NECTIN1: variants seen among roughly 807,000 people sequenced by gnomAD.
NECTIN1 encodes nectin cell adhesion molecule 1.
A neutral mutation model predicts 48.0 loss-of-function variants in NECTIN1; 23 were observed. The observed-to-expected ratio is 0.48, with a 90% CI of 0.34 to 0.68. NECTIN1 has a LOEUF of 0.68. Ranked by LOEUF, NECTIN1 falls within the 30% of genes least tolerant of loss-of-function variation. The pLI is 0.01. For synonymous variants in NECTIN1, 270 were observed against 288.9 expected (o/e 0.93, Z 0.66); for missense variants, 591 against 709.9 (o/e 0.83, Z 1.90).
intron 5 of NECTIN1, among the ~76,000 whole-genome samples, chr11:119,648,334 GTGGTGGTGATGC>G (rs1565376639): frequency 1.1e-3 from 5 of 4,702 alleles, no homozygotes; most frequent in African/African-American, 2.5e-3. Context: ...GGTGGTGATG[GTGGTGGTGATGC>G]TGGTGGTGGT....
chr11:119,655,073 C>T (rs1864550227), intron 5 of NECTIN1, among the ~76,000 whole-genome samples: 1 of 151,562 alleles, frequency 6.6e-6, no homozygotes, highest in Non-Finnish European at 1.5e-5. Flanking sequence ...CCACGCCTGG[C>T]TAATTTTTTG....
At chr11:119,670,443 C>A (rs982724116) in intron 5 of NECTIN1, among the ~76,000 whole-genome samples, 1 of 152,066 alleles carries the variant, frequency 6.6e-6, no homozygotes, top group African/African-American at 2.4e-5. Flanking sequence ...TCTACAATGG[C>A]AAGATTATGT....
At chr11:119,648,322 A>ATGGTGGTGGTGGTGGTGGTGG (rs1298252121) in intron 5 of NECTIN1, among the ~76,000 whole-genome samples, 3 of 4,260 alleles carry the variant, frequency 7.0e-4, no homozygotes, top group African/African-American at 1.8e-3. Flanking sequence ...GGTGATGGTG[A>ATGGTGGTGGTGGTGGTGGTGG]TGGTGGTGAT....
rs1189756184 is a variant in NECTIN1 at position 119,678,002 on chromosome 11, T to G, written c.431-145A>C. On this transcript the variant is annotated intron_variant, in intron 2 of 5. Transcript: ENST00000264025. This position sits in a 1 kb window ranked among gnomAD's most constrained non-coding sequence, Gnocchi z 4.4. ...CTCAGCTGTGCTGCACCAAAGACTG[T>G]CCCAGAACCTCTTGCAGGAAGTTCA... The G allele has an allele frequency of 1.3e-5, 10 of 798,528 alleles. No homozygotes were observed. Among genetic ancestry groups the G allele is most frequent in the Non-Finnish European group, 1.9e-5 (9 of 474,114 alleles). 49.5% of individuals were successfully genotyped at this position (798,528 alleles called of 1,614,324 possible). A position where few individuals can be genotyped will look rare whatever the true frequency, so the allele number is the denominator to read the frequency against.
intron 1 of NECTIN1, among the ~76,000 whole-genome samples, chr11:119,708,491 G>C (rs1865584232): frequency 1.3e-5 from 2 of 151,936 alleles, no homozygotes; most frequent in African/African-American, 4.8e-5. Context: ...GAGGCACATG[G>C]AATGCTAAGT....
Position 119,677,115 on chromosome 11 carries a change from A to C in NECTIN1, c.838T>G (p.Tyr280Asp), listed in dbSNP as rs1692809591. ...KADANPPATE[Y>D]HWTTLNGSLP... The stretch of plus-strand genomic sequence containing the variant: ...TGCAGCACTTACGTGGTCCAGTGGT[A>C]CTCAGTGGCTGGGGGGTTAGCATCA... The change falls in exon 4 of 6, where the codon TAC becomes GAC. Residue 280 changes from tyrosine to aspartate, a missense_variant. Coordinates refer to ENST00000264025, the MANE Select transcript of NECTIN1 (RefSeq NM_002855.5). The surrounding 1 kb of genome is among the most constrained non-coding windows in gnomAD (Gnocchi z 5.4). The C allele has an allele frequency of 6.2e-7, 1 of 1,613,966 alleles. No homozygotes were observed.
chr11:119,710,856 C>T (rs1476325370), intron 1 of NECTIN1, among the ~76,000 whole-genome samples: 1 of 152,138 alleles, frequency 6.6e-6, no homozygotes, highest in Non-Finnish European at 1.5e-5. Context: ...TGCCATCACA[C>T]AGCGCCCGCC....
chr11:119,700,077 C>T (rs546038104), intron 1 of NECTIN1, among the ~76,000 whole-genome samples: 25 of 152,308 alleles, frequency 1.6e-4, no homozygotes, highest in African/African-American at 5.3e-4. Context: ...GTTCATGATT[C>T]GAGGCCCTGA....
At chr11:119,647,449 G>T (rs986960699) in intron 5 of NECTIN1, among the ~76,000 whole-genome samples, 1 of 151,976 alleles carries the variant, frequency 6.6e-6, no homozygotes, top group Admixed American at 6.6e-5. Context: ...GGGATTTCAC[G>T]CACATTCCTG....
chr11:119,708,754 T>C (rs1865588932), intron 1 of NECTIN1, among the ~76,000 whole-genome samples: 1 of 152,112 alleles, frequency 6.6e-6, no homozygotes, highest in Non-Finnish European at 1.5e-5. Flanking sequence ...AGGGCGAATT[T>C]TGTGGTTTGC....
Position 119,672,452 on chromosome 11 carries a change from G to T in NECTIN1, c.1003+2707C>A, listed in dbSNP as rs979538863. Among the ~76,000 whole-genome samples, 14 of 152,176 alleles carry T rather than the reference G, an allele frequency of 9.2e-5. No homozygotes were observed. Among genetic ancestry groups the T allele is most frequent in the Non-Finnish European group, 2.1e-4 (14 of 68,026 alleles). The stretch of plus-strand genomic sequence containing the variant: ...CCTCTGTGTAAGGGCCTCTGAAAGG[G>T]GTTCTCTGGGGCCTGTGCCCACGGA... On this transcript the variant is annotated intron_variant, in intron 5 of 5. Coordinates refer to ENST00000264025, the MANE Select transcript of NECTIN1 (RefSeq NM_002855.5). The surrounding 1 kb of genome is among the most constrained non-coding windows in gnomAD (Gnocchi z 4.3).
In NECTIN1 at chr11:119,677,148, A is replaced by C; in HGVS notation, c.805T>G (p.Cys269Gly). ...GCTGGGGGGTTAGCATCAGCTTTGC[A>C]GGTGAGCTTCACGTCCATCCGCTGC... ...YLQRMDVKLT[C>G]KADANPPATE... The change falls in exon 4 of 6, where the codon TGC (cysteine) becomes GGC (glycine). Residue 269 changes from cysteine (C) to glycine (G), a missense_variant. Physicochemically the swap from Cys to Gly is radical, Grantham distance 159 (BLOSUM62 -3). Transcript: ENST00000264025. This position sits in a 1 kb window ranked among gnomAD's most constrained non-coding sequence, Gnocchi z 5.4. The C allele has an allele frequency of 6.2e-7, 1 of 1,614,170 alleles. No homozygotes were observed. Among genetic ancestry groups the C allele is most frequent in the Non-Finnish European group, 8.5e-7 (1 of 1,180,026 alleles).
intron 1 of NECTIN1, among the ~76,000 whole-genome samples, chr11:119,720,381 G>A (rs1865807782): frequency 1.3e-5 from 2 of 152,260 alleles, no homozygotes; most frequent in South Asian, 4.1e-4. Context: ...GGCACTCCAC[G>A]AGCCCACGCA....
Position 119,678,350 on chromosome 11 carries a change from A to G in NECTIN1, c.430+65T>C. 1 of 1,445,236 alleles carries G rather than the reference A, an allele frequency of 6.9e-7. No individual in the cohort carries two copies. Among genetic ancestry groups the G allele is most frequent in the Non-Finnish European group, 9.7e-7 (1 of 1,028,860 alleles). 89.5% of individuals were successfully genotyped at this position (1,445,236 alleles called of 1,614,324 possible). A position where few individuals can be genotyped will look rare whatever the true frequency, so the allele number is the denominator to read the frequency against. ...TGTCTGGGGTCATTGAGGCATCCTG[A>G]GGATGGCCACGCCCCGAGGTCACAG... is the stretch of plus-strand genomic sequence containing the variant. On this transcript the variant is annotated intron_variant, in intron 2 of 5. Transcript: ENST00000264025. This position sits in a 1 kb window ranked among gnomAD's most constrained non-coding sequence, Gnocchi z 4.4.
At chr11:119,718,633 T>C (rs564915317) in intron 1 of NECTIN1, among the ~76,000 whole-genome samples, 58 of 152,132 alleles carry the variant, frequency 3.8e-4, no homozygotes, top group Non-Finnish European at 7.8e-4. Flanking sequence ...AGGCAGATTC[T>C]CTCCGAGGAG....
At position 119,663,261 on chromosome 11, in the gene NECTIN1, G is replaced by A; in HGVS notation, c.*1486C>T. ...CTGTCTAGAGTGCCAGGGGATCTGG[G>A]AGCAGATGGAGGAACTGAGGCACTT... On this transcript the variant is annotated 3_prime_UTR_variant, in exon 6 of 6. Coordinates refer to ENST00000264025, the MANE Select transcript of NECTIN1 (RefSeq NM_002855.5). 3.0e-6 allele frequency: 3 copies of A among 985,564 alleles called. No individual in the cohort carries two copies. The South Asian group carries it at 1.4e-4, about 46-fold the overall frequency. The allele number at this position is 985,564 out of a possible 1,614,324, so 61.1% of individuals were successfully genotyped here. A position where few individuals can be genotyped will look rare whatever the true frequency, so the allele number is the denominator to read the frequency against.
In NECTIN1 at chr11:119,673,472, G is replaced by A. The variant is rs1864893400; in HGVS notation, c.1003+1687C>T. Among the ~76,000 whole-genome samples the A allele has an allele frequency of 1.3e-5, 2 of 152,200 alleles. No individual in the cohort carries two copies. The highest frequency in any genetic ancestry group is 4.8e-5 in the African/African-American group (2 of 41,442). On this transcript the variant is annotated intron_variant, in intron 5 of 5. Transcript: ENST00000264025. This position sits in a 1 kb window ranked among gnomAD's most constrained non-coding sequence, Gnocchi z 5.8. ...ACATGTTGATAGCCCACCATCAGGG[G>A]AAGGTATCACCACGCAGGGAGTACT... is the stretch of plus-strand genomic sequence containing the variant.
intron 1 of NECTIN1, among the ~76,000 whole-genome samples, chr11:119,715,587 C>T (rs1865730716): frequency 6.6e-6 from 1 of 152,120 alleles, no homozygotes; most frequent in South Asian, 2.1e-4. Context: ...AACTCCTGAC[C>T]TCAGGTTATC....
intron 1 of NECTIN1, among the ~76,000 whole-genome samples, chr11:119,686,008 CTCTG>C (rs1472064208): frequency 2.0e-5 from 3 of 152,160 alleles, no homozygotes; most frequent in Non-Finnish European, 2.9e-5. Flanking sequence ...CAAGTGGCTG[CTCTG>C]TCTCTCTACA....
Sources: gnomAD v4.1 joint callset for allele counts (sites outside exome capture counted in the v4.1 genomes callset) on GRCh38, gnomAD v4.1.1 for gene constraint, Gnocchi (gnomAD v3.1) non-coding constraint, MANE v1.5 for transcripts, NCBI Gene and HGNC (gene_info 2026-07-23, HGNC 2026-07-21) for gene names.